Variants in DIAPH2 observed in about 807,000 individuals in gnomAD.
DIAPH2 encodes protein diaphanous homolog 2.
A neutral mutation model predicts 92.7 loss-of-function variants in DIAPH2; 35 were observed. That is an observed-to-expected ratio of 0.38 (90% CI 0.29 to 0.50). The LOEUF is 0.50. Among genes scored for constraint, DIAPH2 ranks in the 20% least tolerant of loss-of-function variants. The pLI is 0.94. For missense variants in DIAPH2, 701 were observed against 819.5 expected (o/e 0.86, Z 1.77); for synonymous variants, 301 against 280.4 (o/e 1.07, Z -0.73).
intron 22 of DIAPH2, among the ~76,000 whole-genome samples, chrX:97,172,216 G>A (rs1175361944): frequency 2.7e-5 from 3 of 111,887 alleles, no homozygotes; most frequent in Non-Finnish European, 5.6e-5. Flanking sequence ...TTCTGCAATA[G>A]GAATATGACA....
At position 97,400,371 on chromosome X, in the gene DIAPH2, G is replaced by C. The variant is rs754968789; in HGVS notation, c.3145+16327G>C. ...TATAAAGCTGGTTAGAAAGATATAC[G>C]GCATCTTTTTCTTTTTTTCAGCTCT... On this transcript the variant is annotated intron_variant, in intron 25 of 26. Transcript: ENST00000324765. Among the ~76,000 whole-genome samples the C allele has an allele frequency of 2.7e-5, 3 of 111,227 alleles. No homozygotes were observed. In the East Asian group the frequency reaches 8.5e-4, roughly 31 times the overall value.
At chrX:97,269,991 C>A (rs1033535853) in intron 23 of DIAPH2, among the ~76,000 whole-genome samples, 2 of 110,077 alleles carry the variant, frequency 1.8e-5, no homozygotes, top group Non-Finnish European at 3.8e-5. Context: ...AGTGCAGTGG[C>A]GTGATCTCGG....
At chrX:97,496,790 G>T (rs1003947639) in intron 26 of DIAPH2, among the ~76,000 whole-genome samples, 1 of 109,019 alleles carries the variant, frequency 9.2e-6, no homozygotes, top group Non-Finnish European at 1.9e-5. Context: ...CGCCCACATC[G>T]GCCTCCCAAA....
In DIAPH2 at chrX:97,119,112, G is replaced by C. The variant is rs907728892; in HGVS notation, c.2589+4147G>C. Among the ~76,000 whole-genome samples the C allele has an allele frequency of 4.7e-4, 52 of 110,702 alleles. 1 individual carries two copies. The highest frequency in any genetic ancestry group is 1.2e-3 in the Admixed American group (12 of 10,430). On this transcript the variant is annotated intron_variant, in intron 21 of 26. Transcript: ENST00000324765. ...TGCTGGTGAGCTAGTGTGATTTTTG[G>C]GGGGGTGTTAAGGAACCTTGTTTGG... is the stretch of plus-strand genomic sequence containing the variant.
intron 3 of DIAPH2, among the ~76,000 whole-genome samples, chrX:96,757,409 G>A (rs2064238485): frequency 8.9e-6 from 1 of 111,900 alleles, no homozygotes; most frequent in African/African-American, 3.3e-5. Context: ...TTGAGGCACA[G>A]CCATTTCCAA....
chrX:97,477,612 A>G (rs111476089), intron 26 of DIAPH2, among the ~76,000 whole-genome samples: 2,001 of 50,180 alleles, frequency 0.04, 44 homozygotes, highest in African/African-American at 0.12. Flanking sequence ...CTAAAAAAAA[A>G]TCTATCTATC....
chrX:96,912,435 A>C, intron 6 of DIAPH2, 33 bp downstream of exon 6: 2 of 1,199,805 alleles, frequency 1.7e-6, no homozygotes, highest in Non-Finnish European at 2.2e-6. Context: ...AAATCACCAA[A>C]GGGAAAATGT....
intron 17 of DIAPH2, among the ~76,000 whole-genome samples, chrX:97,045,848 A>ATTTTTTTTTTTTTTTTTTTTTT (rs758666786): frequency 1.6e-5 from 1 of 64,445 alleles, no homozygotes; most frequent in African/African-American, 6.0e-5. Context: ...GTATTTTAGG[A>ATTTTTTTTTTTTTTTTTTTTTT]TTTTTTTTTT....
intron 26 of DIAPH2, among the ~76,000 whole-genome samples, chrX:97,577,392 G>A (rs1272390415): frequency 8.9e-6 from 1 of 112,168 alleles, no homozygotes; most frequent in East Asian, 2.8e-4. Flanking sequence ...CTCATTCTCT[G>A]CCATCCCAGA....
chrX:96,869,628 T>C (rs2065127243), intron 4 of DIAPH2, among the ~76,000 whole-genome samples: 1 of 110,249 alleles, frequency 9.1e-6, no homozygotes, highest in Non-Finnish European at 1.9e-5. Context: ...AGAATCCTTT[T>C]CCAGCATCTC....
chrX:96,754,998 G>A (rs6620152), intron 3 of DIAPH2, among the ~76,000 whole-genome samples: 16,093 of 101,546 alleles, frequency 0.16, 1,194 homozygotes, highest in East Asian at 0.33. Flanking sequence ...ACCACATTAT[G>A]AGTGCTATCC....
chrX:96,847,973 C>T lies in DIAPH2; in HGVS notation c.448-33606C>T, dbSNP rs1233069089. Among the ~76,000 whole-genome samples the T allele has an allele frequency of 2.7e-5, 3 of 110,850 alleles. No homozygotes were observed. The Admixed American group carries it at 2.9e-4, about 11-fold the overall frequency. ...TGGTTGACTGGTAATGAGCATTATC[C>T]CCTTCTCTTGTTATTGGTATACTGA... On this transcript the variant is annotated intron_variant, in intron 4 of 26. Coordinates refer to ENST00000324765, the MANE Select transcript of DIAPH2 (RefSeq NM_006729.5).
At chrX:96,966,812 A>C (rs1429576918) in intron 17 of DIAPH2, among the ~76,000 whole-genome samples, 2 of 112,123 alleles carry the variant, frequency 1.8e-5, no homozygotes, top group Non-Finnish European at 3.8e-5. Context: ...GTGTACATTT[A>C]CAAATTTTAA....
intron 26 of DIAPH2, among the ~76,000 whole-genome samples, chrX:97,507,141 C>CAAAAAAAAAAAAAAAAAA (rs397896097): frequency 2.6e-4 from 8 of 31,131 alleles, no homozygotes; most frequent in Non-Finnish European, 3.3e-4. Context: ...ACAAAACCGA[C>CAAAAAAAAAAAAAAAAAA]AAAAAAAAAA....
intron 4 of DIAPH2, among the ~76,000 whole-genome samples, chrX:96,801,438 T>C (rs952335069): frequency 1.8e-4 from 20 of 111,920 alleles, no homozygotes; most frequent in Non-Finnish European, 3.8e-4. Flanking sequence ...TTACTAAAGA[T>C]AGGGGATGTA....
intron 24 of DIAPH2, among the ~76,000 whole-genome samples, chrX:97,351,538 C>T (rs780243256): frequency 4.5e-5 from 5 of 111,576 alleles, no homozygotes; most frequent in South Asian, 3.7e-4. Context: ...CATTAGGGCC[C>T]GGCGCGGTGG....
At chrX:97,102,032 A>G (rs746934389) in intron 20 of DIAPH2, among the ~76,000 whole-genome samples, 6 of 112,227 alleles carry the variant, frequency 5.3e-5, no homozygotes, top group Admixed American at 1.9e-4. Context: ...TTATTAGTGT[A>G]TTTATCACAT....
At chrX:96,975,917 A>G (rs2065957275) in intron 17 of DIAPH2, among the ~76,000 whole-genome samples, 1 of 111,225 alleles carries the variant, frequency 9.0e-6, no homozygotes, top group African/African-American at 3.3e-5. Context: ...AGGTTGGAAC[A>G]TATGAATTTA....
chrX:97,022,862 TG>T (rs762509875), intron 17 of DIAPH2, among the ~76,000 whole-genome samples: 59 of 111,211 alleles, frequency 5.3e-4, no homozygotes, highest in Middle Eastern at 4.2e-3. Context: ...AAAACCAGCC[TG>T]GGCAACATAG....
Sources: allele counts gnomAD v4.1 joint callset (sites outside exome capture counted in the v4.1 genomes callset), GRCh38; gene constraint gnomAD v4.1.1; transcripts MANE v1.5; gene names NCBI Gene and HGNC (gene_info 2026-07-23, HGNC 2026-07-21).